BPNT2: variants seen among roughly 807,000 people sequenced by gnomAD.
The protein encoded by BPNT2 is 3'(2'), 5'-bisphosphate nucleotidase 2, also known as Golgi-resident adenosine 3',5'-bisphosphate 3'-phosphatase.
Under a neutral mutation model 29.3 loss-of-function variants are expected in BPNT2, and 11 were observed. The observed-to-expected ratio is 0.38, with a 90% confidence interval of 0.24 to 0.62. The LOEUF is 0.62. Ranked by LOEUF, BPNT2 falls within the 20% of genes least tolerant of loss-of-function variation. BPNT2 has a pLI of 0.62. For missense variants in BPNT2, 459 were observed against 473.4 expected (o/e 0.97, Z 0.28); for synonymous variants, 195 against 187.7 (o/e 1.04, Z -0.32).
intron 4 of BPNT2, 25 bp from the exon 5 acceptor site, chr8:56,964,089 G>C (rs779366676): frequency 3.0e-5 from 46 of 1,524,520 alleles, no homozygotes; most frequent in Non-Finnish European, 3.7e-5. Flanking sequence ...AAGAATTTAG[G>C]TTATTATTCA....
At chr8:56,972,634 G>A (rs896015044) in intron 3 of BPNT2, among the ~76,000 whole-genome samples, 1 of 152,158 alleles carries the variant, frequency 6.6e-6, no homozygotes. Flanking sequence ...TTAAAAAAAA[G>A]GAAGGTGAAG....
intron 3 of BPNT2, 102 bp from the exon 4 acceptor site, chr8:56,966,454 C>T: frequency 2.0e-6 from 2 of 986,676 alleles, no homozygotes; most frequent in Non-Finnish European, 3.2e-6. Flanking sequence ...CAAAATAGCT[C>T]TCTTCTAAAA....
In BPNT2 at chr8:56,958,447, G is replaced by A. The variant is rs1805774912; in HGVS notation, c.*5346C>T. 6.6e-6 allele frequency: 1 copy of A among 152,192 alleles called. No individual in the cohort carries two copies. The highest frequency in any genetic ancestry group is 2.4e-5 in the African/African-American group (1 of 41,452). The allele number at this position is 152,192 out of a possible 1,614,324, so 9.4% of individuals were successfully genotyped here. A position where few individuals can be genotyped will look rare whatever the true frequency, so the allele number is the denominator to read the frequency against. On this transcript the variant is annotated 3_prime_UTR_variant, in exon 5 of 5. Coordinates refer to ENST00000262644, the MANE Select transcript of BPNT2 (RefSeq NM_017813.5). ...ATTTAAATTTGGTAGTATGGGTGAGGAAGGTCATAACACGCTAAGTAAACT... is the reference window on the plus strand; with the variant it reads ...ATTTAAATTTGGTAGTATGGGTGAGAAAGGTCATAACACGCTAAGTAAACT...
At chr8:56,984,436 G>A (rs977224787) in intron 1 of BPNT2, among the ~76,000 whole-genome samples, 6 of 152,060 alleles carry the variant, frequency 3.9e-5, no homozygotes, top group South Asian at 2.1e-4. Flanking sequence ...ATCCTTTCTC[G>A]CGTGCCACAT....
intron 1 of BPNT2, among the ~76,000 whole-genome samples, chr8:56,988,737 CTCTT>C (rs1472227213): frequency 6.6e-6 from 1 of 152,186 alleles, no homozygotes; most frequent in African/African-American, 2.4e-5. Context: ...ATTCAACTGA[CTCTT>C]TGACAGCTAA....
intron 1 of BPNT2, among the ~76,000 whole-genome samples, chr8:56,983,408 T>C (rs958562505): frequency 3.9e-5 from 6 of 152,032 alleles, no homozygotes; most frequent in Admixed American, 3.3e-4. Flanking sequence ...GTGCCTGGTG[T>C]GTTCAGAGGG....
rs538074916 is a variant in BPNT2 at position 56,979,974 on chromosome 8, T to C, written c.550+61A>G. On this transcript the variant is annotated intron_variant, in intron 2 of 4. Coordinates refer to ENST00000262644, the MANE Select transcript of BPNT2 (RefSeq NM_017813.5). Reference sequence around the variant, plus strand: ...ACTATCACCTATAGGAAGTATGCCTTGGTTCTGGTTCTCTACTACTAAACG... The same window carrying C: ...ACTATCACCTATAGGAAGTATGCCTCGGTTCTGGTTCTCTACTACTAAACG... 163 of 1,505,804 alleles carry C rather than the reference T, an allele frequency of 1.1e-4. 1 individual carries two copies. The Admixed American group carries it at 2.7e-3, about 25-fold the overall frequency. The allele number at this position is 1,505,804 out of a possible 1,614,324, so 93.3% of individuals were successfully genotyped here.
At chr8:56,977,722 G>A (rs1246002441) in intron 3 of BPNT2, among the ~76,000 whole-genome samples, 1 of 152,152 alleles carries the variant, frequency 6.6e-6, no homozygotes, top group African/African-American at 2.4e-5. Context: ...GACACACAGA[G>A]AGAATGCCAT....
rs2129202703 is a variant in BPNT2, at chr8:56,960,127, T to C, written c.*3666A>G. 1 of 152,346 alleles carries C rather than the reference T, an allele frequency of 6.6e-6. No individual in the cohort carries two copies. The highest frequency in any genetic ancestry group is 2.1e-4 in the South Asian group (1 of 4,822). 9.4% of individuals were successfully genotyped at this position (152,346 alleles called of 1,614,324 possible). A position where few individuals can be genotyped will look rare whatever the true frequency, so the allele number is the denominator to read the frequency against. ...ACAGTTCCTGTTTTAACCTGTCAGA[T>C]TGTCTCCAAAAGGCCATCTTCAAAG... On this transcript the variant is annotated 3_prime_UTR_variant, in exon 5 of 5. Coordinates refer to ENST00000262644, the MANE Select transcript of BPNT2 (RefSeq NM_017813.5).
intron 3 of BPNT2, among the ~76,000 whole-genome samples, chr8:56,971,867 G>C (rs1394067299): frequency 1.3e-5 from 2 of 150,888 alleles, no homozygotes; most frequent in African/African-American, 2.4e-5. Flanking sequence ...AGGCTGAGGA[G>C]GGCGGATCAT....
chr8:56,973,113 G>A (rs570573503), intron 3 of BPNT2, among the ~76,000 whole-genome samples: 1 of 152,170 alleles, frequency 6.6e-6, no homozygotes, highest in East Asian at 1.9e-4. Context: ...TCTGGATTGA[G>A]TCCACTGATG....
intron 1 of BPNT2, among the ~76,000 whole-genome samples, chr8:56,982,758 G>T (rs1330868600): frequency 1.3e-5 from 2 of 152,030 alleles, no homozygotes; most frequent in Non-Finnish European, 2.9e-5. Flanking sequence ...AAGAAAAAGG[G>T]GTAGATAGTA....
At chr8:56,983,400 G>T (rs549529560) in intron 1 of BPNT2, among the ~76,000 whole-genome samples, 1 of 152,248 alleles carries the variant, frequency 6.6e-6, no homozygotes, top group Non-Finnish European at 1.5e-5. Flanking sequence ...GTGGGAATGT[G>T]CCTGGTGTGT....
chr8:56,993,182 C>T lies in BPNT2; in HGVS notation c.387+17G>A. On this transcript the variant is annotated intron_variant, in intron 1 of 4. Coordinates refer to ENST00000262644, the MANE Select transcript of BPNT2 (RefSeq NM_017813.5). ...CGCTACCCGGCTCGAGTGGGCGCTC[C>T]GCCCGTGGGCTCCCACCTGGACGCT... 6.3e-7 allele frequency: 1 copy of T among 1,589,780 alleles called. No individual in the cohort carries two copies. Among genetic ancestry groups the T allele is most frequent in the Non-Finnish European group, 8.5e-7 (1 of 1,175,202 alleles).
intron 1 of BPNT2, among the ~76,000 whole-genome samples, chr8:56,984,095 T>C (rs779525644): frequency 6.6e-6 from 1 of 152,170 alleles, no homozygotes; most frequent in East Asian, 1.9e-4. Flanking sequence ...TTAACCACTG[T>C]AGCTTACAAA....
chr8:56,974,705 G>A (rs775200263), intron 3 of BPNT2, among the ~76,000 whole-genome samples: 4 of 152,162 alleles, frequency 2.6e-5, no homozygotes, highest in Non-Finnish European at 4.4e-5. Context: ...CAAGTTAGCC[G>A]CATTACAGAA....
intron 1 of BPNT2, among the ~76,000 whole-genome samples, chr8:56,980,819 T>TATACACACACACAC (rs755705861): frequency 0.03 from 4,205 of 141,400 alleles, 89 homozygotes; most frequent in East Asian, 0.088. Context: ...TACATACATA[T>TATACACACACACAC]ACACACACAC....
intron 1 of BPNT2, among the ~76,000 whole-genome samples, chr8:56,991,503 C>T (rs1806415245): frequency 6.6e-6 from 1 of 152,170 alleles, no homozygotes; most frequent in African/African-American, 2.4e-5. Flanking sequence ...ATCAACTCTG[C>T]TTGCTGTATT....
chr8:56,989,119 G>A (rs1189612174), intron 1 of BPNT2, among the ~76,000 whole-genome samples: 1 of 152,054 alleles, frequency 6.6e-6, no homozygotes, highest in Non-Finnish European at 1.5e-5. Flanking sequence ...GCCTTATATA[G>A]AGAATTAGAC....
Sources: gnomAD v4.1 joint callset for allele counts (sites outside exome capture counted in the v4.1 genomes callset) on GRCh38, gnomAD v4.1.1 for gene constraint, MANE v1.5 for transcripts, NCBI Gene and HGNC (gene_info 2026-07-23, HGNC 2026-07-21) for gene names.